The following GRIK1 variants were observed in gnomAD, a reference collection of about 807,000 sequenced individuals.
GRIK1 encodes glutamate ionotropic receptor kainate type subunit 1, also known as glutamate receptor ionotropic, kainate 1.
Under a neutral mutation model 105.7 loss-of-function variants are expected in GRIK1, and 69 were observed. The observed-to-expected ratio is 0.65, with a 90% confidence interval of 0.54 to 0.80. The LOEUF is 0.80. GRIK1 is among the 30% of genes least tolerant of loss of function. The probability of loss-of-function intolerance (pLI) is 0.00; values close to 1 mark genes in which losing one functional copy is unlikely to be tolerated. For synonymous variants in GRIK1, 438 were observed against 431.3 expected (o/e 1.02, Z -0.19); for missense variants, 1,109 against 1,167.3 (o/e 0.95, Z 0.73).
intron 1 of GRIK1, among the ~76,000 whole-genome samples, chr21:29,730,864 T>C (rs777348109): frequency 6.6e-5 from 10 of 152,074 alleles, no homozygotes; most frequent in African/African-American, 1.9e-4. Flanking sequence ...AATTAAAAGA[T>C]AAAATAAAAA....
chr21:29,834,948 C>G (rs2067747175), intron 1 of GRIK1, among the ~76,000 whole-genome samples: 1 of 151,422 alleles, frequency 6.6e-6, no homozygotes, highest in South Asian at 2.1e-4. Context: ...CTTACTTTCT[C>G]TTTCTCTGGT....
At chr21:29,897,739 G>A (rs903022093) in intron 1 of GRIK1, among the ~76,000 whole-genome samples, 1 of 152,194 alleles carries the variant, frequency 6.6e-6, no homozygotes, top group Non-Finnish European at 1.5e-5. Flanking sequence ...CCATGGGCAA[G>A]TTATTTAATC....
chr21:29,599,205 T>C (rs2061472730), intron 7 of GRIK1, among the ~76,000 whole-genome samples: 1 of 152,188 alleles, frequency 6.6e-6, no homozygotes, highest in Non-Finnish European at 1.5e-5. Context: ...AGAATTGCCG[T>C]AAAACAGTCT....
chr21:29,597,552 T>C (rs1160226406), intron 8 of GRIK1: 7 of 313,626 alleles, frequency 2.2e-5, no homozygotes, highest in Admixed American at 4.0e-5. Flanking sequence ...AGTATTTTTT[T>C]TCTTTTGTTC....
intron 7 of GRIK1, among the ~76,000 whole-genome samples, chr21:29,633,538 T>C (rs1555854327): frequency 6.6e-6 from 1 of 151,880 alleles, no homozygotes; most frequent in Non-Finnish European, 1.5e-5. Flanking sequence ...AATAAATAAA[T>C]TTCTGTTCTT....
At chr21:29,693,855 A>T in intron 2 of GRIK1, 41 bp downstream of exon 2, 1 of 1,477,736 alleles carries the variant, frequency 6.8e-7, no homozygotes, top group Non-Finnish European at 9.4e-7. Flanking sequence ...GAGAGCAGAC[A>T]TATCACCCAA....
At chr21:29,843,460 A>C (rs2068034169) in intron 1 of GRIK1, among the ~76,000 whole-genome samples, 1 of 152,250 alleles carries the variant, frequency 6.6e-6, no homozygotes, top group South Asian at 2.1e-4. Flanking sequence ...AACATTACAC[A>C]GATATGACAC....
At chr21:29,703,384 A>T (rs2063848583) in intron 1 of GRIK1, among the ~76,000 whole-genome samples, 1 of 152,224 alleles carries the variant, frequency 6.6e-6, no homozygotes, top group East Asian at 1.9e-4. Context: ...AGAAAACAAG[A>T]TGGCAATTTG....
At chr21:29,656,586 A>G (rs1462844234) in intron 4 of GRIK1, among the ~76,000 whole-genome samples, 1 of 152,074 alleles carries the variant, frequency 6.6e-6, no homozygotes, top group Non-Finnish European at 1.5e-5. Flanking sequence ...TGTGTCTGAA[A>G]ATCACTGCTC....
At chr21:29,932,031 T>C (rs2071584480) in intron 1 of GRIK1, among the ~76,000 whole-genome samples, 1 of 152,196 alleles carries the variant, frequency 6.6e-6, no homozygotes, top group Non-Finnish European at 1.5e-5. Flanking sequence ...ATAATTCTAA[T>C]ATAAAAATCT....
chr21:29,700,858 T>C (rs1347357965), intron 1 of GRIK1, among the ~76,000 whole-genome samples: 5 of 152,136 alleles, frequency 3.3e-5, no homozygotes, highest in Admixed American at 6.6e-5. Flanking sequence ...CAATGTTTCA[T>C]TGTGGCAGAG....
Position 29,723,394 on chromosome 21 carries a change from T to G in GRIK1, c.119-29331A>C, listed in dbSNP as rs1573274. On this transcript the variant is annotated intron_variant, in intron 1 of 17. Coordinates refer to ENST00000327783, the MANE Select transcript of GRIK1 (RefSeq NM_001330994.2). Reference sequence around the variant, plus strand: ...CACATTTTTATCATTCAAGCTTTCATCATGCTTTACAGATTTAGTAAGCTA... The same window carrying G: ...CACATTTTTATCATTCAAGCTTTCAGCATGCTTTACAGATTTAGTAAGCTA... Among the ~76,000 whole-genome samples the G allele has an allele frequency of 5.9e-3, 900 of 152,356 alleles. 16 individuals carry two copies. Among genetic ancestry groups the G allele is most frequent in the African/African-American group, 0.02 (848 of 41,582 alleles).
intron 1 of GRIK1, among the ~76,000 whole-genome samples, chr21:29,917,593 C>A (rs1031165205): frequency 1.1e-4 from 17 of 151,992 alleles, no homozygotes; most frequent in African/African-American, 3.9e-4. Flanking sequence ...TCTTCAAATG[C>A]TTTCCATTGA....
intron 1 of GRIK1, among the ~76,000 whole-genome samples, chr21:29,722,510 C>T (rs1020938505): frequency 2.0e-5 from 3 of 149,760 alleles, no homozygotes; most frequent in Non-Finnish European, 3.0e-5. Flanking sequence ...GAGCTGAGAT[C>T]GTGCCACTGC....
At chr21:29,826,727 T>C (rs1466027730) in intron 1 of GRIK1, among the ~76,000 whole-genome samples, 1 of 152,064 alleles carries the variant, frequency 6.6e-6, no homozygotes, top group African/African-American at 2.4e-5. Context: ...TGAATTCACA[T>C]ACACATATGT....
chr21:29,865,033 T>C (rs1490397250), intron 1 of GRIK1, among the ~76,000 whole-genome samples: 4 of 152,208 alleles, frequency 2.6e-5, no homozygotes, highest in Non-Finnish European at 5.9e-5. Context: ...GATGCCACTC[T>C]TGATAAACCC....
chr21:29,645,183 A>G (rs1184494709), intron 6 of GRIK1, among the ~76,000 whole-genome samples: 1 of 152,226 alleles, frequency 6.6e-6, no homozygotes, highest in African/African-American at 2.4e-5. Flanking sequence ...TGAAATAGGT[A>G]TACAGACAGG....
At chr21:29,562,779 A>G (rs1008170691) in intron 14 of GRIK1, among the ~76,000 whole-genome samples, 4 of 152,082 alleles carry the variant, frequency 2.6e-5, no homozygotes, top group Non-Finnish European at 5.9e-5. Flanking sequence ...TTCTATTAAT[A>G]TATTTGTCTT....
intron 1 of GRIK1, among the ~76,000 whole-genome samples, chr21:29,801,258 CGGTTTTTA>C (rs2066702490): frequency 6.6e-6 from 1 of 151,310 alleles, no homozygotes; most frequent in Admixed American, 6.6e-5. Context: ...AAAGTAATTG[CGGTTTTTA>C]CCATTACTTT....
Sources: gnomAD v4.1 joint callset for allele counts (sites outside exome capture counted in the v4.1 genomes callset) on GRCh38, gnomAD v4.1.1 for gene constraint, MANE v1.5 for transcripts, NCBI Gene and HGNC (gene_info 2026-07-23, HGNC 2026-07-21) for gene names.